Variants in PLXNA4 observed in about 807,000 individuals in gnomAD.
PLXNA4 encodes the protein plexin-A4.
A neutral mutation model predicts 191.8 loss-of-function variants in PLXNA4; 44 were observed. The ratio of observed to expected loss-of-function variants is 0.23; its 90% CI spans 0.18 to 0.29. PLXNA4 has a LOEUF of 0.29. Among genes scored for constraint, PLXNA4 ranks in the 10% least tolerant of loss-of-function variants. PLXNA4 has a pLI of 1.00. For synonymous variants in PLXNA4, 1,082 were observed against 1,009.5 expected (o/e 1.07, Z -1.36); for missense variants, 1,800 against 2,488.8 (o/e 0.72, Z 5.89).
At chr7:132,266,628 T>A (rs1250015753) in intron 4 of PLXNA4, among the ~76,000 whole-genome samples, 3 of 152,350 alleles carry the variant, frequency 2.0e-5, no homozygotes, top group African/African-American at 7.2e-5. Flanking sequence ...TGAGTCTTGC[T>A]TATCTGAAGT....
chr7:132,593,863 C>T (rs1802652166), intron 2 of PLXNA4, among the ~76,000 whole-genome samples: 2 of 152,224 alleles, frequency 1.3e-5, no homozygotes, highest in Admixed American at 1.3e-4. Context: ...CACCCCAAAA[C>T]TGGCAAGCGG....
rs142401578 is a variant in PLXNA4, at chr7:132,193,796, C to T, written c.2856+266G>A. Among the ~76,000 whole-genome samples the T allele has an allele frequency of 2.0e-5, 3 of 152,302 alleles. No individual in the cohort carries two copies. The East Asian group carries it at 5.8e-4, about 29-fold the overall frequency. On this transcript the variant is annotated intron_variant, in intron 14 of 31. Coordinates refer to ENST00000321063, the MANE Select transcript of PLXNA4 (RefSeq NM_020911.2). ...ACCATGCCACACTGCCATGCACCCA[C>T]CTGGGGACTCTGGGCCCTGAGAGCT...
At chr7:132,380,727 C>T (rs1393523870) in intron 3 of PLXNA4, among the ~76,000 whole-genome samples, 3 of 152,200 alleles carry the variant, frequency 2.0e-5, no homozygotes, top group Non-Finnish European at 2.9e-5. Context: ...TGCTTTAGAG[C>T]AGTAGTTTCC....
intron 3 of PLXNA4, among the ~76,000 whole-genome samples, chr7:132,339,546 T>C (rs1802945238): frequency 6.6e-6 from 1 of 152,230 alleles, no homozygotes; most frequent in African/African-American, 2.4e-5. Context: ...GTACCTACCA[T>C]ATGCAAGGCA....
chr7:132,348,995 G>T (rs1286796777), intron 3 of PLXNA4, among the ~76,000 whole-genome samples: 2 of 152,106 alleles, frequency 1.3e-5, no homozygotes, highest in African/African-American at 2.4e-5. Context: ...GCCCCTCCGT[G>T]TTCCCCTTTA....
At position 132,241,584 on chromosome 7, in the gene PLXNA4, T is replaced by C. The variant is rs1322566215; in HGVS notation, c.1504-418A>G. Among the ~76,000 whole-genome samples, 3 of 152,234 alleles carry C rather than the reference T, an allele frequency of 2.0e-5. No homozygotes were observed. The East Asian group carries it at 5.8e-4, about 29-fold the overall frequency. ...CTCTCTCATGGTTTCTCTTTTTCTG[T>C]AGTGTTTCCCCTTCTTTCCAGTCCT... On this transcript the variant is annotated intron_variant, in intron 4 of 31. Coordinates refer to ENST00000321063, the MANE Select transcript of PLXNA4 (RefSeq NM_020911.2).
chr7:132,561,314 TC>T (rs1801033071), intron 1 of PLXNA4, among the ~76,000 whole-genome samples: 3 of 104,934 alleles, frequency 2.9e-5, no homozygotes, highest in Admixed American at 1.8e-4. Context: ...TCTTTCTCCT[TC>T]TTCTCCTCCT....
chr7:132,159,757 G>GT, intron 24 of PLXNA4, 125 bp from the exon 25 acceptor site: 1 of 1,483,088 alleles, frequency 6.7e-7, no homozygotes, highest in Non-Finnish European at 9.1e-7. Flanking sequence ...CTAGGGAGGA[G>GT]TAGGGTGGCT....
At chr7:132,526,150 TCAAGATTTAGTA>T (rs1372453603) in intron 1 of PLXNA4, among the ~76,000 whole-genome samples, 4 of 152,186 alleles carry the variant, frequency 2.6e-5, no homozygotes, top group Non-Finnish European at 5.9e-5. Flanking sequence ...ACCCAAGCTC[TCAAGATTTAGTA>T]CTGGAAGGAA....
intron 3 of PLXNA4, among the ~76,000 whole-genome samples, chr7:132,317,377 A>G (rs1801985829): frequency 6.8e-6 from 1 of 147,432 alleles, no homozygotes; most frequent in African/African-American, 2.6e-5. Flanking sequence ...GTTGTATTGG[A>G]TTGAGTTGGG....
chr7:132,274,274 A>C (rs1448719346), intron 4 of PLXNA4, among the ~76,000 whole-genome samples: 2 of 151,404 alleles, frequency 1.3e-5, no homozygotes, highest in Non-Finnish European at 2.9e-5. Context: ...ATGTATATAT[A>C]TATATATATG....
At chr7:132,381,084 AAG>A (rs1463353118) in intron 3 of PLXNA4, among the ~76,000 whole-genome samples, 1 of 152,250 alleles carries the variant, frequency 6.6e-6, no homozygotes, top group Non-Finnish European at 1.5e-5. Flanking sequence ...GTTTCAATAC[AAG>A]ATTATGGAGT....
At position 132,365,693 on chromosome 7, in the gene PLXNA4, CAGG is replaced by C. The variant is rs1330969092; in HGVS notation, c.1372-67474_1372-67472del. On this transcript the variant is annotated intron_variant, in intron 3 of 31. Coordinates refer to ENST00000321063, the MANE Select transcript of PLXNA4 (RefSeq NM_020911.2). ...CAAGAGGAGATTCAGAGAGAGAAGA[CAGG>C]CATCAGCAAGTAAATCTTTCCTCTG... Among the ~76,000 whole-genome samples the C allele has an allele frequency of 2.6e-5, 4 of 152,214 alleles. No homozygotes were observed. The East Asian group carries it at 7.7e-4, about 29-fold the overall frequency.
intron 3 of PLXNA4, among the ~76,000 whole-genome samples, chr7:132,357,567 C>T (rs1025689760): frequency 2.6e-5 from 4 of 152,162 alleles, no homozygotes; most frequent in South Asian, 4.1e-4. Flanking sequence ...TGCATGGCAG[C>T]GTGTTGTCTT....
At chr7:132,133,325 C>T in intron 30 of PLXNA4, 126 bp from the exon 31 acceptor site, 2 of 1,454,368 alleles carry the variant, frequency 1.4e-6, no homozygotes, top group Admixed American at 2.2e-5. Context: ...GGTACTTGTG[C>T]TGTGGCCACC....
At chr7:132,323,346 AG>A (rs1377989690) in intron 3 of PLXNA4, among the ~76,000 whole-genome samples, 1 of 152,256 alleles carries the variant, frequency 6.6e-6, no homozygotes, top group Non-Finnish European at 1.5e-5. Context: ...ACAGTCCATT[AG>A]GTTTTCATTT....
At chr7:132,278,831 T>C (rs889206834) in intron 4 of PLXNA4, among the ~76,000 whole-genome samples, 2 of 152,186 alleles carry the variant, frequency 1.3e-5, no homozygotes, top group African/African-American at 4.8e-5. Flanking sequence ...TGCCTGAGGT[T>C]TATGTCTATA....
intron 2 of PLXNA4, among the ~76,000 whole-genome samples, chr7:132,607,200 C>T (rs1802943112): frequency 1.3e-5 from 2 of 152,168 alleles, no homozygotes; most frequent in Non-Finnish European, 2.9e-5. Context: ...TTCCAGTTCC[C>T]AGAGGCTGAC....
chr7:132,191,841 C>T (rs992621397), intron 14 of PLXNA4, among the ~76,000 whole-genome samples: 3 of 150,256 alleles, frequency 2.0e-5, no homozygotes, highest in Admixed American at 1.3e-4. Context: ...TATACACACA[C>T]ACACACACAC....
Sources: gnomAD v4.1 joint callset for allele counts (sites outside exome capture counted in the v4.1 genomes callset) on GRCh38, gnomAD v4.1.1 for gene constraint, MANE v1.5 for transcripts, NCBI Gene and HGNC (gene_info 2026-07-23, HGNC 2026-07-21) for gene names.